The following SMYD2 variants were observed in gnomAD, a reference collection of about 807,000 sequenced individuals.
SMYD2 encodes the protein SET and MYND domain containing 2.
A neutral mutation model predicts 59.1 loss-of-function variants in SMYD2; 53 were observed. The ratio of observed to expected loss-of-function variants is 0.90; its 90% confidence interval spans 0.72 to 1.13. The LOEUF (loss-of-function observed/expected upper bound fraction) is 1.13, where lower values mean the gene tolerates loss of function less well. SMYD2 is among the 50% of genes most tolerant of loss of function. The pLI, the probability that SMYD2 is intolerant of heterozygous loss-of-function variation, is 0.00. For synonymous variants in SMYD2, 208 were observed against 198.8 expected (o/e 1.05, Z -0.39); for missense variants, 494 against 544.7 (o/e 0.91, Z 0.93).
chr1:214,304,848 T>C (rs1395017248), intron 1 of SMYD2, among the ~76,000 whole-genome samples: 3 of 152,198 alleles, frequency 2.0e-5, no homozygotes, highest in Non-Finnish European at 4.4e-5. Flanking sequence ...CCTGAGCTAC[T>C]GACCTGTACA....
intron 1 of SMYD2, among the ~76,000 whole-genome samples, chr1:214,290,331 T>A (rs1239537432): frequency 6.6e-6 from 1 of 152,222 alleles, no homozygotes; most frequent in Non-Finnish European, 1.5e-5. Context: ...AGCGTGGAAC[T>A]CCTTGTGTTA....
At chr1:214,291,553 C>T (rs1033592026) in intron 1 of SMYD2, among the ~76,000 whole-genome samples, 4 of 152,138 alleles carry the variant, frequency 2.6e-5, no homozygotes, top group African/African-American at 9.7e-5. Context: ...GGCAGTTTTC[C>T]TTGAGTTCTT....
At chr1:214,321,542 G>A in intron 5 of SMYD2, among the ~76,000 whole-genome samples, 1 of 152,224 alleles carries the variant, frequency 6.6e-6, no homozygotes, top group East Asian at 1.9e-4. Context: ...CGTGTCTGCT[G>A]TTCCAGCCCC....
intron 6 of SMYD2, among the ~76,000 whole-genome samples, chr1:214,325,194 G>A (rs1405752546): frequency 6.6e-6 from 1 of 152,202 alleles, no homozygotes; most frequent in African/African-American, 2.4e-5. Flanking sequence ...TAGTGGGCCG[G>A]ATAAAAATTT....
chr1:214,334,067 G>T (rs1657398257), intron 10 of SMYD2, 133 bp from the exon 11 acceptor site: 3 of 672,342 alleles, frequency 4.5e-6, no homozygotes, highest in Non-Finnish European at 7.9e-6. Context: ...CCAAACCCTG[G>T]TGGGATTTGG....
intron 1 of SMYD2, among the ~76,000 whole-genome samples, chr1:214,287,464 G>C (rs1656568458): frequency 6.6e-6 from 1 of 151,548 alleles, no homozygotes; most frequent in Non-Finnish European, 1.5e-5. Flanking sequence ...GCGGGCGCCT[G>C]TAATCCCAGC....
chr1:214,295,277 T>C (rs996723143), intron 1 of SMYD2, among the ~76,000 whole-genome samples: 2 of 152,196 alleles, frequency 1.3e-5, no homozygotes, highest in African/African-American at 2.4e-5. Flanking sequence ...CTGTTAGAGA[T>C]TGTGCAGGGC....
At chr1:214,325,745 G>A (rs895437156) in intron 6 of SMYD2, among the ~76,000 whole-genome samples, 23 of 143,558 alleles carry the variant, frequency 1.6e-4, no homozygotes, top group Non-Finnish European at 2.9e-4. Flanking sequence ...ATCATCTGCA[G>A]TTGGAATTCT....
intron 1 of SMYD2, among the ~76,000 whole-genome samples, chr1:214,302,861 G>GT (rs1656848212): frequency 6.6e-6 from 1 of 152,030 alleles, no homozygotes; most frequent in Admixed American, 6.6e-5. Context: ...TGCTTTTTTT[G>GT]TATGTTGTGG....
At chr1:214,281,466 GGGCGCCGAGCGGGAGGCTTGGACGGC>G (rs1656444042) in intron 1 of SMYD2, 39 bp downstream of exon 1, 2 of 1,340,026 alleles carry the variant, frequency 1.5e-6, no homozygotes, top group Non-Finnish European at 9.6e-7. Context: ...CGGGAGCCGG[GGGCGCCGAGCGGGAGGCTTGGACGGC>G]GGCGCCAGGA....
intron 3 of SMYD2, among the ~76,000 whole-genome samples, chr1:214,316,018 C>A (rs1657080337): frequency 6.6e-6 from 1 of 152,146 alleles, no homozygotes; most frequent in African/African-American, 2.4e-5. Context: ...AAGGGCCAAA[C>A]TAAAAAGAGG....
At chr1:214,328,419 C>T (rs182601868) in intron 7 of SMYD2, among the ~76,000 whole-genome samples, 13 of 152,194 alleles carry the variant, frequency 8.5e-5, no homozygotes, top group Non-Finnish European at 1.6e-4. Flanking sequence ...CTTCCCATCA[C>T]CTGCTCAGCG....
chr1:214,317,707 T>G (rs2102470620), intron 3 of SMYD2, among the ~76,000 whole-genome samples: 1 of 152,184 alleles, frequency 6.6e-6, no homozygotes, highest in East Asian at 1.9e-4. Context: ...GGATGGGGGG[T>G]TTGATTTTGT....
intron 1 of SMYD2, among the ~76,000 whole-genome samples, chr1:214,283,434 A>G (rs1262943892): frequency 6.6e-6 from 1 of 152,216 alleles, no homozygotes; most frequent in East Asian, 1.9e-4. Flanking sequence ...CAATACCCGT[A>G]GTTTATTTCC....
intron 1 of SMYD2, among the ~76,000 whole-genome samples, chr1:214,293,057 G>A (rs983168229): frequency 4.5e-4 from 49 of 108,926 alleles, no homozygotes; most frequent in Non-Finnish European, 9.5e-4. Flanking sequence ...GTGTGTGTGT[G>A]TGTGTGTGTG....
chr1:214,318,887 G>A lies in SMYD2; in HGVS notation c.438G>A (p.Lys146=), dbSNP rs1413743593. 8 of 1,613,826 alleles carry A rather than the reference G, an allele frequency of 5.0e-6. No individual in the cohort carries two copies. Among genetic ancestry groups the A allele is most frequent in the Non-Finnish European group, 6.8e-6 (8 of 1,180,008 alleles). The change falls in exon 5 of 12, where the codon AAG becomes AAA. Residue 146 remains lysine, a synonymous_variant. Coordinates refer to ENST00000366957, the MANE Select transcript of SMYD2 (RefSeq NM_020197.3). This position sits in a 1 kb window ranked among gnomAD's most constrained non-coding sequence, Gnocchi z 5.4. ...TGGATAAGTTAGACAATGAGAAGAA[G>A]GATTTGATTCAGAGTGACATAGCTG... The part of the protein sequence containing the change: ...SHLDKLDNEK[K]DLIQSDIAAL...
At chr1:214,292,760 T>C (rs942660391) in intron 1 of SMYD2, among the ~76,000 whole-genome samples, 1 of 152,112 alleles carries the variant, frequency 6.6e-6, no homozygotes, top group Non-Finnish European at 1.5e-5. Context: ...TCCCATCGTA[T>C]CCAGCATTAT....
At chr1:214,294,617 T>C (rs1656693948) in intron 1 of SMYD2, among the ~76,000 whole-genome samples, 1 of 152,096 alleles carries the variant, frequency 6.6e-6, no homozygotes, top group Admixed American at 6.6e-5. Context: ...GTTGTAGTGA[T>C]CCAAGATTGT....
At chr1:214,296,476 T>C (rs576342671) in intron 1 of SMYD2, among the ~76,000 whole-genome samples, 1 of 152,348 alleles carries the variant, frequency 6.6e-6, no homozygotes, top group African/African-American at 2.4e-5. Context: ...TTTAGAAACA[T>C]AGATCCTCTA....
Sources: allele counts gnomAD v4.1 joint callset (sites outside exome capture counted in the v4.1 genomes callset), GRCh38; gene constraint gnomAD v4.1.1; non-coding constraint Gnocchi (gnomAD v3.1); transcripts MANE v1.5; gene names NCBI Gene and HGNC (gene_info 2026-07-23, HGNC 2026-07-21).